EEA1: variants seen among roughly 807,000 people sequenced by gnomAD.
EEA1 encodes the protein early endosome antigen 1, also known as early endosome antigen 1, 162kD.
Under a neutral mutation model 209.2 loss-of-function variants are expected in EEA1, and 111 were observed. The ratio of observed to expected loss-of-function variants is 0.53; its 90% CI spans 0.45 to 0.62. The LOEUF (loss-of-function observed/expected upper bound fraction) is 0.62. EEA1 is among the 20% of genes least tolerant of loss of function. EEA1 has a pLI of 0.00. For synonymous variants in EEA1, 536 were observed against 540.6 expected (o/e 0.99, Z 0.12); for missense variants, 1,343 against 1,530.8 (o/e 0.88, Z 2.05).
intron 19 of EEA1, among the ~76,000 whole-genome samples, chr12:92,802,107 AG>A (rs1301973498): frequency 1.3e-5 from 2 of 152,076 alleles, no homozygotes; most frequent in Non-Finnish European, 2.9e-5. Context: ...AAAAGTGTAC[AG>A]ATAGAAAATG....
chr12:92,828,047 A>C lies in EEA1; in HGVS notation c.1269T>G (p.Leu423=), dbSNP rs1381295479. 6.4e-7 allele frequency: 1 copy of C among 1,568,470 alleles called. No individual in the cohort carries two copies. The highest frequency in any genetic ancestry group is 2.3e-5 in the East Asian group (1 of 42,564). ...CCCCTAGTTGGCGCTCTGTCTCCAGAAGTTTGCTATGTAACTTTAAAAAAA... is the reference window on the plus strand; with the variant it reads ...CCCCTAGTTGGCGCTCTGTCTCCAGCAGTTTGCTATGTAACTTTAAAAAAA... ...QSEINQLHSK[L]LETERQLGEA... The change falls in exon 12 of 29, where the codon CTT becomes CTG. Residue 423 remains leucine (L), a synonymous_variant. Coordinates refer to ENST00000322349, the MANE Select transcript of EEA1 (RefSeq NM_003566.4).
At chr12:92,862,043 G>T (rs957395296) in intron 3 of EEA1, among the ~76,000 whole-genome samples, 5 of 152,126 alleles carry the variant, frequency 3.3e-5, no homozygotes, top group Admixed American at 1.3e-4. Flanking sequence ...ATGAACAGAA[G>T]GCTTTAAAGC....
chr12:92,876,175 C>T (rs978994320), intron 2 of EEA1, among the ~76,000 whole-genome samples: 16 of 152,110 alleles, frequency 1.1e-4, no homozygotes, highest in African/African-American at 3.6e-4. Context: ...TGGGCTCAAG[C>T]GATCCTCCCA....
intron 19 of EEA1, among the ~76,000 whole-genome samples, 199 bp from the exon 20 acceptor site, chr12:92,801,900 G>A (rs1488946723): frequency 6.6e-6 from 1 of 151,642 alleles, no homozygotes; most frequent in East Asian, 1.9e-4. Flanking sequence ...AAAACACTAA[G>A]GGTTTTGATC....
At chr12:92,883,731 C>T (rs1879262596) in intron 2 of EEA1, 1 of 1,139,642 alleles carries the variant, frequency 8.8e-7, no homozygotes, top group South Asian at 1.3e-5. Flanking sequence ...CCCGCGGACG[C>T]CACTGAAGAA....
intron 27 of EEA1, 21 bp from the exon 28 acceptor site, chr12:92,776,963 G>A (rs1029930428): frequency 6.9e-6 from 11 of 1,600,044 alleles, no homozygotes; most frequent in Admixed American, 3.3e-5. Flanking sequence ...AAGAAGTATC[G>A]ATATATTATA....
intron 10 of EEA1, among the ~76,000 whole-genome samples, chr12:92,833,281 C>T (rs1876746509): frequency 6.6e-6 from 1 of 152,180 alleles, no homozygotes; most frequent in African/African-American, 2.4e-5. Context: ...ATATCATCCA[C>T]TGTTCTAATG....
intron 3 of EEA1, chr12:92,858,907 T>A: frequency 1.4e-6 from 1 of 708,030 alleles, no homozygotes; most frequent in South Asian, 1.5e-5. Flanking sequence ...CTTACAGAGG[T>A]TGGGGTGTTC....
In EEA1 at chr12:92,778,143, T is replaced by C. The variant is rs1341364195; in HGVS notation, c.3691A>G (p.Lys1231Glu). The C allele has an allele frequency of 2.5e-6, 4 of 1,612,832 alleles. No homozygotes were observed. In the South Asian group the frequency reaches 4.4e-5, roughly 18 times the overall value. The change falls in exon 26 of 29, where the codon AAG becomes GAG. Residue 1231 changes from lysine (K) to glutamate (E), a missense_variant. Transcript: ENST00000322349. The part of the protein sequence containing the change: ...EIKEKEVGMK[K>E]HEENEAKLTM... Reference sequence around the variant, plus strand: ...AGTTTAGCCTCATTTTCTTCATGCTTCTTCATTCCTACTTCCTTTTCTTTT... The same window carrying C: ...AGTTTAGCCTCATTTTCTTCATGCTCCTTCATTCCTACTTCCTTTTCTTTT...
At chr12:92,850,778 A>G (rs887649155) in intron 9 of EEA1, among the ~76,000 whole-genome samples, 2 of 151,606 alleles carry the variant, frequency 1.3e-5, no homozygotes, top group African/African-American at 4.8e-5. Flanking sequence ...AATTGGTAAT[A>G]TAATTGTAGA....
intron 1 of EEA1, among the ~76,000 whole-genome samples, chr12:92,910,872 T>G (rs906777868): frequency 1.3e-5 from 2 of 152,202 alleles, no homozygotes; most frequent in Non-Finnish European, 2.9e-5. Flanking sequence ...ATGGCAAATA[T>G]GCATATGAAA....
chr12:92,897,121 G>A (rs941983698), intron 1 of EEA1, among the ~76,000 whole-genome samples: 2 of 152,136 alleles, frequency 1.3e-5, no homozygotes, highest in Non-Finnish European at 2.9e-5. Context: ...CTGTTTCATG[G>A]CAACTTCCTA....
chr12:92,817,023 T>C (rs984229728), intron 14 of EEA1, among the ~76,000 whole-genome samples: 12 of 151,324 alleles, frequency 7.9e-5, no homozygotes, highest in Admixed American at 6.5e-4. Flanking sequence ...TTTTTGACCA[T>C]GTTTTTAACC....
At position 92,857,267 on chromosome 12, in the gene EEA1, G is replaced by A. The variant is rs1324834169; in HGVS notation, c.366+8C>T. On this transcript the variant is annotated splice_region_variant and intron_variant, in intron 5 of 28. Transcript: ENST00000322349. ...ATAAACATGCTTTAAGTAGTTAAAA[G>A]CAATTACTTGCTGCTGCAGCCCTTG... 4 of 1,570,714 alleles carry A rather than the reference G, an allele frequency of 2.5e-6. No homozygotes were observed. Among genetic ancestry groups the A allele is most frequent in the Non-Finnish European group, 3.4e-6 (4 of 1,162,580 alleles).
At chr12:92,901,501 C>T (rs1425810611) in intron 1 of EEA1, among the ~76,000 whole-genome samples, 3 of 151,782 alleles carry the variant, frequency 2.0e-5, no homozygotes, top group Non-Finnish European at 4.4e-5. Context: ...CCTCACAAGT[C>T]AGGGGTTTTT....
At chr12:92,833,414 A>G (rs1423208811) in intron 10 of EEA1, among the ~76,000 whole-genome samples, 1 of 152,168 alleles carries the variant, frequency 6.6e-6, no homozygotes, top group Admixed American at 6.5e-5. Flanking sequence ...AAAGCTAATC[A>G]CCTGCCTTAA....
intron 1 of EEA1, among the ~76,000 whole-genome samples, chr12:92,912,855 GC>G (rs1880627611): frequency 6.6e-6 from 1 of 152,108 alleles, no homozygotes; most frequent in South Asian, 2.1e-4. Flanking sequence ...CATCCCTGTT[GC>G]TACAAAAGAC....
rs781416585 is a variant in EEA1, at chr12:92,778,223, G to C, written c.3655-44C>G. ...TGGGGGGAAATCTATTACAAAAGTA[G>C]TGCAAAATAAATGTAAGTGATTTAT... On this transcript the variant is annotated intron_variant, in intron 25 of 28. Transcript: ENST00000322349. The C allele has an allele frequency of 2.6e-5, 39 of 1,478,166 alleles. 1 individual carries two copies. The East Asian group carries it at 8.7e-4, about 33-fold the overall frequency. The allele number at this position is 1,478,166 out of a possible 1,614,324, so 91.6% of individuals were successfully genotyped here. A position where few individuals can be genotyped will look rare whatever the true frequency, so the allele number is the denominator to read the frequency against.
chr12:92,871,567 GA>G (rs942414609), intron 2 of EEA1, among the ~76,000 whole-genome samples: 3 of 152,074 alleles, frequency 2.0e-5, no homozygotes, highest in East Asian at 1.9e-4. Flanking sequence ...AAAATATACA[GA>G]AAAATATTTT....
Sources: allele counts gnomAD v4.1 joint callset (sites outside exome capture counted in the v4.1 genomes callset), GRCh38; gene constraint gnomAD v4.1.1; transcripts MANE v1.5; gene names NCBI Gene and HGNC (gene_info 2026-07-23, HGNC 2026-07-21).